The following TENM4 variants were observed in gnomAD, a reference collection of about 807,000 sequenced individuals.
TENM4 encodes the protein teneurin transmembrane protein 4.
TENM4 carries 82 observed loss-of-function variants against 243.3 expected under a neutral mutation model. The ratio of observed to expected loss-of-function variants is 0.34; its 90% CI spans 0.28 to 0.40. The LOEUF (loss-of-function observed/expected upper bound fraction) is 0.40, where lower values mean the gene tolerates loss of function less well. Among genes scored for constraint, TENM4 ranks in the 10% least tolerant of loss-of-function variants. TENM4 has a pLI of 1.00. For synonymous variants in TENM4, 1,412 were observed against 1,456.3 expected, an observed-to-expected ratio of 0.97 and a Z score of 0.69; for missense variants, 3,138 against 3,673.3, an observed-to-expected ratio of 0.85 and a Z score of 3.77.
chr11:78,675,770 C>G (rs1434360330), intron 30 of TENM4, among the ~76,000 whole-genome samples: 3 of 152,202 alleles, frequency 2.0e-5, no homozygotes, highest in Non-Finnish European at 4.4e-5. Flanking sequence ...TTATTGACCA[C>G]TTGCTATGAG....
chr11:79,138,604 ATT>A (rs1862172693), intron 4 of TENM4, among the ~76,000 whole-genome samples: 1 of 106,058 alleles, frequency 9.4e-6, no homozygotes, highest in African/African-American at 4.0e-5. Context: ...CATATATTAT[ATT>A]TATATAAATA....
intron 11 of TENM4, 68 bp from the exon 12 acceptor site, chr11:78,854,382 C>T: frequency 7.3e-7 from 1 of 1,378,072 alleles, no homozygotes; most frequent in Non-Finnish European, 9.6e-7. Flanking sequence ...CTTCCCGGGG[C>T]TTCTCCTGGA....
At chr11:79,419,620 G>A (rs1157307433) in intron 1 of TENM4, among the ~76,000 whole-genome samples, 2 of 152,210 alleles carry the variant, frequency 1.3e-5, no homozygotes, top group Non-Finnish European at 2.9e-5. Flanking sequence ...CCAGTTACCA[G>A]CCATGGGTCA....
chr11:78,962,705 C>T (rs1444052647), intron 6 of TENM4, among the ~76,000 whole-genome samples: 2 of 152,228 alleles, frequency 1.3e-5, no homozygotes, highest in African/African-American at 4.8e-5. Context: ...CCCTCTCTGG[C>T]CTCAGTGGCC....
intron 1 of TENM4, among the ~76,000 whole-genome samples, chr11:79,370,798 AAAAAAAAAAAAG>A (rs1378056218): frequency 6.9e-6 from 1 of 145,858 alleles, no homozygotes; most frequent in Non-Finnish European, 1.5e-5. Context: ...AAAAAAAAAA[AAAAAAAAAAAAG>A]TGATAAATTT....
chr11:78,786,989 C>T lies in TENM4; in HGVS notation c.2274G>A (p.Arg758=), dbSNP rs1185117407. 3 of 1,577,662 alleles carry T rather than the reference C, an allele frequency of 1.9e-6. No homozygotes were observed. The South Asian group carries it at 3.5e-5, about 18-fold the overall frequency. ...DGWMGAACDQ[R]ACHPRCAEHG... ...GCTCGGCACAGCGCGGGTGGCAGGC[C>T]CGCTGGTCGCAGGCTGCCCCCATCC... The change falls in exon 16 of 34, where the codon CGG becomes CGA. Residue 758 remains arginine, a synonymous_variant. Coordinates refer to ENST00000278550, the MANE Select transcript of TENM4 (RefSeq NM_001098816.3).
rs1231302692 is a variant in TENM4, at chr11:78,889,855, G to A, written c.1014C>T (p.Asn338=). Residue 338 remains asparagine (N), a synonymous_variant, in exon 9 of 34, where the codon AAC becomes AAT. Coordinates refer to ENST00000278550, the MANE Select transcript of TENM4 (RefSeq NM_001098816.3). ...TGGCGCTCAGGGCTGCGCACTTCCAGTTACAGTACTTGGAGGGCTTCTTGA... is the reference window on the plus strand; with the variant it reads ...TGGCGCTCAGGGCTGCGCACTTCCAATTACAGTACTTGGAGGGCTTCTTGA... ...FNLKKPSKYC[N]WKCAALSAIV... 2 of 1,551,858 alleles carry A rather than the reference G, an allele frequency of 1.3e-6. No individual in the cohort carries two copies. The highest frequency in any genetic ancestry group is 3.9e-5 in the Admixed American group (2 of 51,004).
intron 5 of TENM4, 32 bp from the exon 6 acceptor site, chr11:79,065,039 G>A (rs1860208357): frequency 6.9e-7 from 1 of 1,449,988 alleles, no homozygotes; most frequent in Admixed American, 2.8e-5. Context: ...CTTGGTTAGG[G>A]CACTGAGATG....
At chr11:79,398,797 G>A (rs1396924320) in intron 1 of TENM4, among the ~76,000 whole-genome samples, 1 of 147,914 alleles carries the variant, frequency 6.8e-6, no homozygotes, top group Non-Finnish European at 1.5e-5. Flanking sequence ...CTGAGGAGAT[G>A]GAAGACAGAT....
At chr11:79,135,090 G>C (rs1005125322) in intron 4 of TENM4, among the ~76,000 whole-genome samples, 1 of 151,928 alleles carries the variant, frequency 6.6e-6, no homozygotes, top group Non-Finnish European at 1.5e-5. Context: ...TTCACCATCT[G>C]TACACCTGAC....
At chr11:79,209,946 T>C (rs1290769894) in intron 3 of TENM4, among the ~76,000 whole-genome samples, 6 of 152,206 alleles carry the variant, frequency 3.9e-5, no homozygotes, top group Admixed American at 3.9e-4. Context: ...CAAAAATATA[T>C]AGGTTTTTAT....
At chr11:78,759,924 C>A (rs550530373) in intron 18 of TENM4, among the ~76,000 whole-genome samples, 1 of 152,152 alleles carries the variant, frequency 6.6e-6, no homozygotes, top group Non-Finnish European at 1.5e-5. Flanking sequence ...TCTGGAGAGA[C>A]TTTTAGGAAC....
intron 16 of TENM4, among the ~76,000 whole-genome samples, chr11:78,786,081 A>G (rs965934819): frequency 6.6e-6 from 1 of 152,394 alleles, no homozygotes; most frequent in Middle Eastern, 3.4e-3. Flanking sequence ...GTGAGTGCTC[A>G]TTCCAGGATA....
intron 3 of TENM4, among the ~76,000 whole-genome samples, chr11:79,164,857 C>T (rs11237743): frequency 0.2 from 30,214 of 151,474 alleles, 3,795 homozygotes; most frequent in Middle Eastern, 0.28. Flanking sequence ...CTGAGGCCTC[C>T]CTAGCCATGT....
At chr11:78,818,237 G>A (rs1857650912) in intron 12 of TENM4, among the ~76,000 whole-genome samples, 2 of 152,134 alleles carry the variant, frequency 1.3e-5, no homozygotes, top group African/African-American at 4.8e-5. Flanking sequence ...ATAAATACAA[G>A]TTGCATTTTT....
chr11:78,815,510 A>G (rs954292700), intron 12 of TENM4, among the ~76,000 whole-genome samples: 1 of 152,186 alleles, frequency 6.6e-6, no homozygotes, highest in African/African-American at 2.4e-5. Flanking sequence ...CGTTTGTTAC[A>G]TGCTCTGTGT....
At chr11:78,859,470 T>C (rs1166392205) in intron 10 of TENM4, among the ~76,000 whole-genome samples, 10 of 152,236 alleles carry the variant, frequency 6.6e-5, no homozygotes, top group Non-Finnish European at 1.0e-4. Context: ...GCTGTGCAAA[T>C]ATGCAATCAT....
chr11:79,353,567 T>C (rs1280896084), intron 1 of TENM4, among the ~76,000 whole-genome samples: 2 of 152,302 alleles, frequency 1.3e-5, no homozygotes, highest in Non-Finnish European at 2.9e-5. Context: ...CGATCTCTAA[T>C]GTATCATGGT....
Position 78,856,126 on chromosome 11 carries a change from A to G in TENM4, c.1308T>C (p.Ile436=), listed in dbSNP as rs1370539393. The G allele has an allele frequency of 4.5e-6, 7 of 1,551,480 alleles. No individual in the cohort carries two copies. The African/African-American group carries it at 6.8e-5, about 15-fold the overall frequency. The change falls in exon 11 of 34, where the codon ATT becomes ATC. Residue 436 remains isoleucine, a synonymous_variant. Coordinates refer to ENST00000278550, the MANE Select transcript of TENM4 (RefSeq NM_001098816.3). ...PEDSFIDSGE[I]DVGRRASQKI... ...TCTGGGAAGCTCGCCTTCCCACATC[A>G]ATTTCTCCAGAATCTATGAAACTGT...
Sources: gnomAD v4.1 joint callset for allele counts (sites outside exome capture counted in the v4.1 genomes callset) on GRCh38, gnomAD v4.1.1 for gene constraint, MANE v1.5 for transcripts, NCBI Gene and HGNC (gene_info 2026-07-23, HGNC 2026-07-21) for gene names.